Variants in CSMD1 observed in about 807,000 individuals in gnomAD.
CSMD1 encodes CUB and Sushi multiple domains 1.
CSMD1 carries 213 observed loss-of-function variants against 417.5 expected under a neutral mutation model. The observed-to-expected ratio is 0.51, with a 90% CI of 0.46 to 0.57. CSMD1 has a LOEUF of 0.57. Ranked by LOEUF, CSMD1 falls within the 20% of genes least tolerant of loss-of-function variation. CSMD1 has a pLI of 0.00. For missense variants in CSMD1, 6,923 were observed against 4,529.7 expected (o/e 1.53, Z -15.17); for synonymous variants, 2,862 against 1,736.8 (o/e 1.65, Z -16.11).
chr8:4,355,496 G>C (rs1010037405), intron 3 of CSMD1, among the ~76,000 whole-genome samples: 1 of 152,108 alleles, frequency 6.6e-6, no homozygotes, highest in Non-Finnish European at 1.5e-5. Context: ...TAGAGTGAAT[G>C]AAAGGGAACA....
chr8:4,908,043 A>T (rs1268201391), intron 1 of CSMD1, among the ~76,000 whole-genome samples: 1 of 152,190 alleles, frequency 6.6e-6, no homozygotes, highest in Non-Finnish European at 1.5e-5. Flanking sequence ...TGTGGAATGT[A>T]CAATAGTTTT....
chr8:4,939,960 T>A (rs887403813), intron 1 of CSMD1, among the ~76,000 whole-genome samples: 6 of 152,110 alleles, frequency 3.9e-5, no homozygotes, highest in African/African-American at 1.4e-4. Context: ...AAAAAAAGAT[T>A]GGGAAAACTT....
chr8:4,819,088 T>C (rs1799373080), intron 1 of CSMD1, among the ~76,000 whole-genome samples: 2 of 152,226 alleles, frequency 1.3e-5, no homozygotes, highest in Admixed American at 6.5e-5. Flanking sequence ...AGCACTTGCA[T>C]GTCACTTGCT....
chr8:4,720,618 T>C (rs1454201720), intron 1 of CSMD1, among the ~76,000 whole-genome samples: 1 of 152,270 alleles, frequency 6.6e-6, no homozygotes, highest in Middle Eastern at 3.4e-3. Context: ...GGTTTCACCA[T>C]GTTGGCCAGG....
At chr8:3,893,346 T>TAC in intron 5 of CSMD1, among the ~76,000 whole-genome samples, 1 of 128,012 alleles carries the variant, frequency 7.8e-6, no homozygotes, top group East Asian at 2.3e-4. Context: ...ATTTTATATA[T>TAC]ATATATATAT....
chr8:4,466,787 G>T lies in CSMD1; in HGVS notation c.303-46722C>A, dbSNP rs557951520. 7.2e-5 allele frequency among the ~76,000 whole-genome samples: 11 copies of T among 152,214 alleles called. No individual in the cohort carries two copies. In the East Asian group the frequency reaches 2.1e-3, roughly 29 times the overall value. ...TTATAATATGAGAATACCACCAACT[G>T]AAATCCATAGAAAAATAACAAGCCA... On this transcript the variant is annotated intron_variant, in intron 2 of 69. Coordinates refer to ENST00000635120, the MANE Select transcript of CSMD1 (RefSeq NM_033225.6).
intron 3 of CSMD1, among the ~76,000 whole-genome samples, chr8:4,189,688 G>T (rs1037312987): frequency 2.0e-5 from 3 of 152,126 alleles, no homozygotes; most frequent in African/African-American, 7.2e-5. Context: ...TGAACGGAAA[G>T]AGTGTTGAGA....
chr8:4,012,950 T>C (rs1796346058), intron 4 of CSMD1, among the ~76,000 whole-genome samples: 1 of 152,042 alleles, frequency 6.6e-6, no homozygotes, highest in Non-Finnish European at 1.5e-5. Context: ...CAAATGTGTC[T>C]GGCCATCTCC....
rs141800372 is a variant in CSMD1 at position 4,353,942 on chromosome 8, G to T, written c.415+66011C>A. On this transcript the variant is annotated intron_variant, in intron 3 of 69. Transcript: ENST00000635120. Reference sequence around the variant, plus strand: ...CAATGTTCATTTGAGGTATATTAGGGAACTTCATCAGCCCTCTATGATGAT... The same window carrying T: ...CAATGTTCATTTGAGGTATATTAGGTAACTTCATCAGCCCTCTATGATGAT... Among the ~76,000 whole-genome samples the T allele has an allele frequency of 5.3e-4, 81 of 152,202 alleles. 1 individual carries two copies. In the East Asian group the frequency reaches 0.012, roughly 23 times the overall value.
At chr8:3,454,090 C>G (rs1040028763) in intron 12 of CSMD1, among the ~76,000 whole-genome samples, 1 of 152,068 alleles carries the variant, frequency 6.6e-6, no homozygotes, top group African/African-American at 2.4e-5. Flanking sequence ...CTCTTTTGAT[C>G]TTTGTTGGTT....
At chr8:2,969,770 C>A (rs1804279268) in intron 57 of CSMD1, among the ~76,000 whole-genome samples, 1 of 152,118 alleles carries the variant, frequency 6.6e-6, no homozygotes. Flanking sequence ...AAAATGAAAA[C>A]CTACAGATTC....
chr8:3,723,839 A>C (rs1010251267), intron 6 of CSMD1, among the ~76,000 whole-genome samples: 4 of 152,224 alleles, frequency 2.6e-5, no homozygotes, highest in Non-Finnish European at 4.4e-5. Context: ...GGATGAGTAA[A>C]AATTTCATTC....
intron 5 of CSMD1, among the ~76,000 whole-genome samples, chr8:3,910,020 A>C (rs1270068909): frequency 6.6e-6 from 1 of 152,152 alleles, no homozygotes; most frequent in Non-Finnish European, 1.5e-5. Context: ...ATAAAGGTAA[A>C]TAATTCTTTA....
chr8:4,671,059 A>C (rs946052360), intron 1 of CSMD1, among the ~76,000 whole-genome samples: 4 of 152,344 alleles, frequency 2.6e-5, no homozygotes, highest in Middle Eastern at 3.4e-3. Context: ...CAGTCATTGC[A>C]AATATTACAA....
intron 30 of CSMD1, among the ~76,000 whole-genome samples, chr8:3,212,036 C>T (rs537431801): frequency 9.2e-5 from 14 of 152,184 alleles, no homozygotes; most frequent in South Asian, 4.1e-4. Flanking sequence ...CGTTTGTCTC[C>T]GTCCTGTTTT....
chr8:4,060,299 T>A (rs963756390), intron 3 of CSMD1, among the ~76,000 whole-genome samples: 2 of 152,114 alleles, frequency 1.3e-5, no homozygotes, highest in Non-Finnish European at 2.9e-5. Context: ...TATCTCAGAA[T>A]AATAAGAGTT....
chr8:4,097,982 G>C (rs755892356), intron 3 of CSMD1, among the ~76,000 whole-genome samples: 2 of 152,124 alleles, frequency 1.3e-5, no homozygotes, highest in Non-Finnish European at 2.9e-5. Context: ...AGAATCTGTG[G>C]ATCAGATGGA....
At chr8:4,118,552 C>T (rs75739427) in intron 3 of CSMD1, among the ~76,000 whole-genome samples, 14,498 of 152,158 alleles carry the variant, frequency 0.095, 882 homozygotes, top group East Asian at 0.3. Context: ...TACCATCTCA[C>T]GCCAGTAAAA....
intron 33 of CSMD1, among the ~76,000 whole-genome samples, chr8:3,194,590 T>C (rs1796600059): frequency 6.6e-6 from 1 of 151,724 alleles, no homozygotes; most frequent in African/African-American, 2.4e-5. Context: ...CTCAAGAAGC[T>C]GAGACTACAG....
Sources: gnomAD v4.1 joint callset for allele counts (sites outside exome capture counted in the v4.1 genomes callset) on GRCh38, gnomAD v4.1.1 for gene constraint, MANE v1.5 for transcripts, NCBI Gene and HGNC (gene_info 2026-07-23, HGNC 2026-07-21) for gene names.